Variants in CACNA2D3 observed in about 807,000 individuals in gnomAD.
The protein encoded by CACNA2D3 is voltage-dependent calcium channel subunit alpha-2/delta-3.
A neutral mutation model predicts 160.6 loss-of-function variants in CACNA2D3; 60 were observed. The observed-to-expected ratio is 0.37, with a 90% CI of 0.30 to 0.46. The LOEUF (loss-of-function observed/expected upper bound fraction) is 0.46, where lower values mean the gene tolerates loss of function less well. Among genes scored for constraint, CACNA2D3 ranks in the 20% least tolerant of loss-of-function variants. CACNA2D3 has a pLI of 1.00. For synonymous variants in CACNA2D3, 558 were observed against 492.9 expected, an observed-to-expected ratio of 1.13 and a Z score of -1.75; for missense variants, 1,205 against 1,365.0, an observed-to-expected ratio of 0.88 and a Z score of 1.85.
chr3:54,608,194 T>C (rs1284045977), intron 9 of CACNA2D3, among the ~76,000 whole-genome samples: 1 of 152,220 alleles, frequency 6.6e-6, no homozygotes, highest in East Asian at 1.9e-4. Context: ...GTAGTTAGGT[T>C]AACAGTGTTA....
At chr3:55,012,764 C>T (rs1339756354) in intron 34 of CACNA2D3, among the ~76,000 whole-genome samples, 2 of 152,118 alleles carry the variant, frequency 1.3e-5, no homozygotes, top group African/African-American at 2.4e-5. Context: ...AAATATCCCA[C>T]TCAAAGTATC....
intron 4 of CACNA2D3, among the ~76,000 whole-genome samples, chr3:54,460,208 G>T (rs1344141926): frequency 1.3e-5 from 2 of 152,020 alleles, no homozygotes; most frequent in Non-Finnish European, 2.9e-5. Context: ...CAGGTAGCGT[G>T]ATGCCTCCAG....
intron 33 of CACNA2D3, among the ~76,000 whole-genome samples, chr3:55,008,859 TAGAG>T (rs1183269190): frequency 8.5e-5 from 12 of 140,398 alleles, no homozygotes; most frequent in South Asian, 2.2e-4. Flanking sequence ...CATAATTTCA[TAGAG>T]AGAAGTCTGT....
intron 4 of CACNA2D3, among the ~76,000 whole-genome samples, chr3:54,501,855 G>A (rs1366823657): frequency 6.6e-6 from 1 of 152,172 alleles, no homozygotes; most frequent in Non-Finnish European, 1.5e-5. Context: ...GCCTGAGAAG[G>A]TCTTTATTTC....
chr3:54,156,416 T>A (rs1194187539), intron 2 of CACNA2D3, among the ~76,000 whole-genome samples: 1 of 152,112 alleles, frequency 6.6e-6, no homozygotes, highest in Non-Finnish European at 1.5e-5. Flanking sequence ...CTCCTGGGAG[T>A]ATGTTCCTCA....
chr3:54,283,860 C>T (rs982481541), intron 2 of CACNA2D3, among the ~76,000 whole-genome samples: 5 of 151,988 alleles, frequency 3.3e-5, no homozygotes, highest in Non-Finnish European at 5.9e-5. Flanking sequence ...GTCAGGAGCT[C>T]GAGACCATCC....
chr3:54,416,901 T>A (rs6445655), intron 4 of CACNA2D3, among the ~76,000 whole-genome samples: 51,379 of 151,982 alleles, frequency 0.34, 8,990 homozygotes, highest in East Asian at 0.42. Flanking sequence ...TTAAATTGGA[T>A]ACAAAAAATT....
intron 35 of CACNA2D3, among the ~76,000 whole-genome samples, chr3:55,019,110 T>TCTTTCTTTCTTTCTTTCTTTCTTTCTTTC (rs368979475): frequency 6.6e-6 from 1 of 151,534 alleles, no homozygotes; most frequent in African/African-American, 2.4e-5. Context: ...TTTCTTTCTT[T>TCTTTCTTTCTTTCTTTCTTTCTTTCTTTC]TTTTAATAAG....
intron 17 of CACNA2D3, among the ~76,000 whole-genome samples, chr3:54,868,562 A>G (rs1468466326): frequency 6.6e-6 from 1 of 152,208 alleles, no homozygotes; most frequent in Non-Finnish European, 1.5e-5. Flanking sequence ...TCAGAAGTCA[A>G]GAATTCTCTG....
Position 54,122,832 on chromosome 3 carries a change from C to A in CACNA2D3, c.119C>A (p.Ser40Tyr). 1 of 1,231,498 alleles carries A rather than the reference C, an allele frequency of 8.1e-7. No individual in the cohort carries two copies. The allele number at this position is 1,231,498 out of a possible 1,614,324, so 76.3% of individuals were successfully genotyped here. A position where few individuals can be genotyped will look rare whatever the true frequency, so the allele number is the denominator to read the frequency against. ...VVRSEQQIPL[S>Y]VVKLWASAFG... is the part of the protein sequence containing the mutation. Reference sequence around the variant, plus strand: ...CGCTCGGAGCAGCAGATACCGCTCTCCGTGTAAGTGCCGGCTCCTGCGCCG... The same window carrying A: ...CGCTCGGAGCAGCAGATACCGCTCTACGTGTAAGTGCCGGCTCCTGCGCCG... Residue 40 changes from serine (S) to tyrosine (Y), a missense_variant, in exon 1 of 38, where the codon TCC becomes TAC. This residue lies in a region of CACNA2D3 where 163 missense variants were observed against 161.3 expected (regional missense o/e 1.01). Coordinates refer to ENST00000474759, the MANE Select transcript of CACNA2D3 (RefSeq NM_018398.3).
intron 4 of CACNA2D3, among the ~76,000 whole-genome samples, chr3:54,457,514 A>G (rs1303145293): frequency 6.6e-6 from 1 of 152,086 alleles, no homozygotes; most frequent in Non-Finnish European, 1.5e-5. Context: ...GTGCTGATGA[A>G]AAGAATGTGT....
At chr3:54,510,358 C>G (rs941308026) in intron 5 of CACNA2D3, among the ~76,000 whole-genome samples, 2 of 152,116 alleles carry the variant, frequency 1.3e-5, no homozygotes, top group Non-Finnish European at 2.9e-5. Flanking sequence ...GACAATGACC[C>G]CATGTGTTAT....
At chr3:54,280,060 G>GTTTA (rs200788618) in intron 2 of CACNA2D3, among the ~76,000 whole-genome samples, 3,385 of 148,678 alleles carry the variant, frequency 0.023, 37 homozygotes, top group Admixed American at 0.03. Context: ...TTGTTTGTTT[G>GTTTA]TTTGTTTGTT....
At chr3:54,685,304 T>C (rs1299624782) in intron 11 of CACNA2D3, among the ~76,000 whole-genome samples, 1 of 152,260 alleles carries the variant, frequency 6.6e-6, no homozygotes, top group Non-Finnish European at 1.5e-5. Flanking sequence ...TTTTAGGCTT[T>C]ACAGGTGATT....
chr3:54,186,677 A>G (rs1286916596), intron 2 of CACNA2D3, among the ~76,000 whole-genome samples: 1 of 152,086 alleles, frequency 6.6e-6, no homozygotes, highest in Non-Finnish European at 1.5e-5. Context: ...GCATTTTTTA[A>G]TGTGCTCTCT....
At position 54,629,255 on chromosome 3, in the gene CACNA2D3, G is replaced by T. The variant is rs575597850; in HGVS notation, c.1053+1379G>T. 3.9e-5 allele frequency among the ~76,000 whole-genome samples: 6 copies of T among 151,986 alleles called. 1 individual carries two copies. The South Asian group carries it at 1.2e-3, about 32-fold the overall frequency. ...GGCAGGCTGTTGTCATTTTGCAGGT[G>T]AGCAAGCAGAAGCCCAGGCAGGTGA... is the stretch of plus-strand genomic sequence containing the variant. On this transcript the variant is annotated intron_variant, in intron 10 of 37. Transcript: ENST00000474759.
intron 3 of CACNA2D3, among the ~76,000 whole-genome samples, chr3:54,341,074 G>A (rs543469713): frequency 2.0e-5 from 3 of 152,196 alleles, no homozygotes; most frequent in Non-Finnish European, 4.4e-5. Context: ...TTCTTCTGGT[G>A]TCTGTTCAAA....
intron 9 of CACNA2D3, among the ~76,000 whole-genome samples, chr3:54,601,184 C>T (rs1703053311): frequency 1.3e-5 from 2 of 152,130 alleles, no homozygotes; most frequent in Admixed American, 1.3e-4. Flanking sequence ...GCCTAAGAAT[C>T]TTAAAGACAA....
intron 4 of CACNA2D3, among the ~76,000 whole-genome samples, chr3:54,392,872 A>G (rs1285648863): frequency 6.6e-6 from 1 of 152,190 alleles, no homozygotes; most frequent in Non-Finnish European, 1.5e-5. Context: ...CACTAGGAAA[A>G]GGAAGCCTTT....
Sources: gnomAD v4.1 joint callset for allele counts (sites outside exome capture counted in the v4.1 genomes callset) on GRCh38, gnomAD v4.1.1 for gene constraint, gnomAD v4.1.1 regional missense constraint, MANE v1.5 for transcripts, NCBI Gene and HGNC (gene_info 2026-07-23, HGNC 2026-07-21) for gene names.